Variants in ZNF76 observed in about 807,000 individuals in gnomAD.
ZNF76 encodes the protein zinc finger protein 523.
Under a neutral mutation model 66.9 loss-of-function variants are expected in ZNF76, and 66 were observed. That is an observed-to-expected ratio of 0.99 (90% CI 0.81 to 1.21). The LOEUF is 1.21. ZNF76 is among the 50% of genes most tolerant of loss of function. The pLI, the probability that ZNF76 is intolerant of heterozygous loss-of-function variation, is 0.00. For synonymous variants in ZNF76, 275 were observed against 296.1 expected (o/e 0.93, Z 0.73); for missense variants, 729 against 760.3 (o/e 0.96, Z 0.48).
At chr6:35,265,082 C>G (rs1785805256) in intron 1 of ZNF76, among the ~76,000 whole-genome samples, 1 of 152,080 alleles carries the variant, frequency 6.6e-6, no homozygotes, top group South Asian at 2.1e-4. Context: ...TGCTGTGTGC[C>G]AGGTACTTTT....
intron 1 of ZNF76, among the ~76,000 whole-genome samples, chr6:35,277,494 A>G (rs1788093992): frequency 6.6e-6 from 1 of 152,242 alleles, no homozygotes. Flanking sequence ...CAGCATAGTA[A>G]TTAAGGTCAC....
At chr6:35,277,883 G>C (rs981337799) in intron 1 of ZNF76, among the ~76,000 whole-genome samples, 3 of 152,096 alleles carry the variant, frequency 2.0e-5, no homozygotes, top group African/African-American at 7.2e-5. Flanking sequence ...TTTTTGAGAC[G>C]GAGTCTCACT....
Position 35,288,073 on chromosome 6 carries a change from C to A in ZNF76, c.432+228C>A, listed in dbSNP as rs1021555702. On this transcript the variant is annotated intron_variant, in intron 5 of 13. Coordinates refer to ENST00000373953, the MANE Select transcript of ZNF76 (RefSeq NM_003427.5). The stretch of plus-strand genomic sequence containing the variant: ...CACAGCCTGGCCTGGCCGCTGACAG[C>A]TGTTTACGCTCACTTTTGTTTACGC... 91 of 691,722 alleles carry A rather than the reference C, an allele frequency of 1.3e-4. No homozygotes were observed. The African/African-American group carries it at 1.5e-3, about 12-fold the overall frequency. The allele number at this position is 691,722 out of a possible 1,614,324, so 42.8% of individuals were successfully genotyped here. A position where few individuals can be genotyped will look rare whatever the true frequency, so the allele number is the denominator to read the frequency against.
At position 35,281,164 on chromosome 6, in the gene ZNF76, G is replaced by T. The variant is rs1189232902; in HGVS notation, c.13G>T (p.Gly5Trp). Residue 5 changes from glycine (G) to tryptophan (W), a missense_variant, in exon 2 of 14, where the codon GGG becomes TGG. Transcript: ENST00000373953. Reference sequence around the variant, plus strand: ...GCAGCAGTTTGCCATGGAGAGCTTGGGGCTGCACACGGTGACCCTTAGTGA... The same window carrying T: ...GCAGCAGTTTGCCATGGAGAGCTTGTGGCTGCACACGGTGACCCTTAGTGA... Reference protein sequence around the residue: MESLGLHTVTLSDGT... With the variant: MESLWLHTVTLSDGT... 6.2e-7 allele frequency: 1 copy of T among 1,613,972 alleles called. No individual in the cohort carries two copies. The highest frequency in any genetic ancestry group is 8.5e-7 in the Non-Finnish European group (1 of 1,180,012).
intron 5 of ZNF76, among the ~76,000 whole-genome samples, chr6:35,288,619 T>C (rs1789940225): frequency 6.6e-6 from 1 of 152,150 alleles, no homozygotes; most frequent in African/African-American, 2.4e-5. Context: ...GAAACCAGTG[T>C]GACTGAATGA....
chr6:35,281,008 T>C (rs897557750), intron 1 of ZNF76, 48 bp from the exon 2 acceptor site: 18 of 779,572 alleles, frequency 2.3e-5, no homozygotes, highest in African/African-American at 1.0e-4. Flanking sequence ...GTCTTTGCGA[T>C]AGGAGAAAGC....
intron 6 of ZNF76, 106 bp from the exon 7 acceptor site, chr6:35,290,535 A>G (rs1790230494): frequency 6.6e-7 from 1 of 1,520,330 alleles, no homozygotes; most frequent in Non-Finnish European, 9.0e-7. Flanking sequence ...AGCGCTTGAC[A>G]CACATGAATG....
chr6:35,259,542 G>A (rs1279369294), upstream of ZNF76: 2 of 152,258 alleles, frequency 1.3e-5, no homozygotes, highest in Non-Finnish European at 2.9e-5. Context: ...CGAAGAGCTC[G>A]GTTCAGATCC....
chr6:35,267,765 G>A (rs1035959554), intron 1 of ZNF76, among the ~76,000 whole-genome samples: 1 of 152,184 alleles, frequency 6.6e-6, no homozygotes, highest in Non-Finnish European at 1.5e-5. Flanking sequence ...TTCCTGATCT[G>A]GGTCTCCGTG....
chr6:35,288,031 T>C (rs1220187247), intron 5 of ZNF76, 186 bp downstream of exon 5: 26 of 733,120 alleles, frequency 3.5e-5, no homozygotes, highest in Non-Finnish European at 6.3e-5. Flanking sequence ...TCACACATCA[T>C]TGTCTAGGGC....
chr6:35,283,755 C>T (rs996012469), intron 2 of ZNF76, among the ~76,000 whole-genome samples: 1 of 152,210 alleles, frequency 6.6e-6, no homozygotes, highest in African/African-American at 2.4e-5. Flanking sequence ...AGTACTGATG[C>T]CCTTGCCAGG....
Position 35,281,118 on chromosome 6 carries a change from A to G in ZNF76, c.-34A>G, listed in dbSNP as rs375121325. 1.9e-6 allele frequency: 3 copies of G among 1,612,502 alleles called. No homozygotes were observed. The highest frequency in any genetic ancestry group is 2.2e-5 in the South Asian group (2 of 91,046). ...GGCTCTTGGTGCTGGCCAGAAGCCA[A>G]CTTCATGTCTGAGTGCACGAGCAGC... On this transcript the variant is annotated 5_prime_UTR_variant, in exon 2 of 14. Coordinates refer to ENST00000373953, the MANE Select transcript of ZNF76 (RefSeq NM_003427.5).
Position 35,287,561 on chromosome 6 carries a change from G to A in ZNF76, c.233-85G>A, listed in dbSNP as rs1359729009. ...GATGTTGAAACCCTCCTTGGTATAT[G>A]TATCTCTCATTAACTTAAAGCTAGG... On this transcript the variant is annotated intron_variant, in intron 4 of 13. Transcript: ENST00000373953. This position sits in a 1 kb window ranked among gnomAD's most constrained non-coding sequence, Gnocchi z 4.0. 5 of 1,284,374 alleles carry A rather than the reference G, an allele frequency of 3.9e-6. No individual in the cohort carries two copies. Among genetic ancestry groups the A allele is most frequent in the Non-Finnish European group, 5.4e-6 (5 of 925,184 alleles). 79.6% of individuals were successfully genotyped at this position (1,284,374 alleles called of 1,614,324 possible).
At chr6:35,293,536 G>T (rs747286582) in intron 11 of ZNF76, among the ~76,000 whole-genome samples, 1 of 152,224 alleles carries the variant, frequency 6.6e-6, no homozygotes, top group Non-Finnish European at 1.5e-5. Context: ...CAGAGGCAAA[G>T]TGGTGATAAA....
chr6:35,291,735 CA>C lies in ZNF76; in HGVS notation c.930del (p.Glu312ArgfsTer93). On this transcript the variant is annotated frameshift_variant and splice_region_variant, in exon 9 of 14. Coordinates refer to ENST00000373953, the MANE Select transcript of ZNF76 (RefSeq NM_003427.5). LOFTEE classifies it high-confidence loss of function. ...TATAAGAATCACGTGCGCATCCACA[CA>C]GGTGGGCTAGCTGGCATGCGAGGAC... Reference protein sequence around the residue: ...TNYKNHVRIHTGEKPYVCTVP... With the variant: ...TNYKNHVRIHXGEKPYVCTVP... 1.2e-6 allele frequency: 2 copies of C among 1,607,012 alleles called. No individual in the cohort carries two copies. Among genetic ancestry groups the C allele is most frequent in the Non-Finnish European group, 1.7e-6 (2 of 1,179,980 alleles).
chr6:35,283,418 A>G (rs16874062), intron 2 of ZNF76, among the ~76,000 whole-genome samples: 7,588 of 152,274 alleles, frequency 0.05, 596 homozygotes, highest in African/African-American at 0.17. Context: ...AAGCCCTAAA[A>G]TTGTAAGAGA....
intron 1 of ZNF76, among the ~76,000 whole-genome samples, chr6:35,264,335 T>C (rs905671556): frequency 6.6e-6 from 1 of 152,216 alleles, no homozygotes; most frequent in African/African-American, 2.4e-5. Flanking sequence ...TTTTCTACTG[T>C]ATTTCTGGTA....
rs995940641 is a variant in ZNF76 at position 35,292,171 on chromosome 6, T to A, written c.932-383T>A. On this transcript the variant is annotated intron_variant, in intron 9 of 13. Coordinates refer to ENST00000373953, the MANE Select transcript of ZNF76 (RefSeq NM_003427.5). This position sits in a 1 kb window ranked among gnomAD's most constrained non-coding sequence, Gnocchi z 4.7. ...CCCTCATCCAGCTTTCTGTGTTGTG[T>A]CTCAGCATGTGTGTCCCCTCTTTCC... is the stretch of plus-strand genomic sequence containing the variant. 2.0e-5 allele frequency: 8 copies of A among 406,064 alleles called. No individual in the cohort carries two copies. Among genetic ancestry groups the A allele is most frequent in the African/African-American group, 6.1e-5 (3 of 49,346 alleles). The allele number at this position is 406,064 out of a possible 1,614,324, so 25.2% of individuals were successfully genotyped here.
chr6:35,262,979 A>AT (rs1785470683), intron 1 of ZNF76, among the ~76,000 whole-genome samples: 1 of 151,808 alleles, frequency 6.6e-6, no homozygotes, highest in Non-Finnish European at 1.5e-5. Context: ...CACCTCACCA[A>AT]TCTTGATAAT....
Sources: allele counts gnomAD v4.1 joint callset (sites outside exome capture counted in the v4.1 genomes callset), GRCh38; gene constraint gnomAD v4.1.1; non-coding constraint Gnocchi (gnomAD v3.1); transcripts MANE v1.5; gene names NCBI Gene and HGNC (gene_info 2026-07-23, HGNC 2026-07-21).